Variants in ZFAND3 observed in about 807,000 individuals in gnomAD.
ZFAND3 encodes the protein AN1-type zinc finger protein 3.
A neutral mutation model predicts 29.6 loss-of-function variants in ZFAND3; 10 were observed. The ratio of observed to expected loss-of-function variants is 0.34; its 90% CI spans 0.21 to 0.57. ZFAND3 has a LOEUF of 0.57. ZFAND3 is among the 20% of genes least tolerant of loss of function. The probability of loss-of-function intolerance (pLI) is 0.86; values close to 1 mark genes in which losing one functional copy is unlikely to be tolerated. For missense variants in ZFAND3, 230 were observed against 304.5 expected, an observed-to-expected ratio of 0.76 and a Z score of 1.82; for synonymous variants, 128 against 112.6, an observed-to-expected ratio of 1.14 and a Z score of -0.87.
At chr6:37,857,974 A>G (rs531036212) in intron 1 of ZFAND3, among the ~76,000 whole-genome samples, 23 of 152,246 alleles carry the variant, frequency 1.5e-4, no homozygotes, top group Admixed American at 9.2e-4. Flanking sequence ...TTAATTGTGC[A>G]TTCACTCTGG....
intron 1 of ZFAND3, among the ~76,000 whole-genome samples, chr6:37,833,437 T>C (rs1002367651): frequency 1.3e-5 from 2 of 152,098 alleles, no homozygotes; most frequent in African/African-American, 4.8e-5. Context: ...TTACTTACAA[T>C]TTTTTTCTTC....
chr6:38,011,195 T>G (rs953599408), intron 2 of ZFAND3, among the ~76,000 whole-genome samples: 3 of 152,208 alleles, frequency 2.0e-5, no homozygotes, highest in African/African-American at 7.2e-5. Flanking sequence ...TACCACAGTT[T>G]GTTGAGCTGA....
At chr6:38,037,460 A>G (rs1444842737) in intron 2 of ZFAND3, among the ~76,000 whole-genome samples, 2 of 152,212 alleles carry the variant, frequency 1.3e-5, no homozygotes, top group Non-Finnish European at 2.9e-5. Context: ...ATCCGTCACC[A>G]TTTCAGAGGT....
rs754364044 is a variant in ZFAND3 at position 37,888,433 on chromosome 6, C to T, written c.72-41526C>T. Among the ~76,000 whole-genome samples the T allele has an allele frequency of 3.9e-4, 60 of 152,126 alleles. 1 individual carries two copies. Among genetic ancestry groups the T allele is most frequent in the Non-Finnish European group, 6.9e-4 (47 of 68,010 alleles). Reference sequence around the variant, plus strand: ...AATTATGGCATTATCAATAGGAATACATAATGGTTCAATCATTTATGCTTT... The same window carrying T: ...AATTATGGCATTATCAATAGGAATATATAATGGTTCAATCATTTATGCTTT... On this transcript the variant is annotated intron_variant, in intron 1 of 5. Coordinates refer to ENST00000287218, the MANE Select transcript of ZFAND3 (RefSeq NM_021943.3).
chr6:38,116,453 T>C, intron 4 of ZFAND3, 119 bp from the exon 5 acceptor site: 1 of 1,211,212 alleles, frequency 8.3e-7, no homozygotes, highest in South Asian at 1.5e-5. Context: ...GGCTCTCACC[T>C]GTCTGATTCC....
intron 2 of ZFAND3, among the ~76,000 whole-genome samples, chr6:38,009,280 ATAC>A (rs1763104283): frequency 6.6e-6 from 1 of 152,166 alleles, no homozygotes; most frequent in Admixed American, 6.5e-5. Context: ...AGGGGAGAAA[ATAC>A]TAGGTTTCGG....
chr6:37,972,554 A>G (rs1005360163), intron 2 of ZFAND3, among the ~76,000 whole-genome samples: 3 of 152,190 alleles, frequency 2.0e-5, no homozygotes, highest in Non-Finnish European at 2.9e-5. Context: ...ACCAGGTATG[A>G]TTTGAAACAC....
chr6:37,903,821 C>T (rs1765361702), intron 1 of ZFAND3, among the ~76,000 whole-genome samples: 6 of 152,174 alleles, frequency 3.9e-5, no homozygotes, highest in Admixed American at 3.9e-4. Context: ...TTGTAAGTTG[C>T]TAGCTGCTAT....
At chr6:37,830,918 G>A (rs1452699777) in intron 1 of ZFAND3, among the ~76,000 whole-genome samples, 1 of 151,654 alleles carries the variant, frequency 6.6e-6, no homozygotes, top group Non-Finnish European at 1.5e-5. Context: ...TATTTCCTGG[G>A]GAATGGGACC....
At chr6:37,985,529 C>CACACACA (rs33984396) in intron 2 of ZFAND3, among the ~76,000 whole-genome samples, 2,576 of 89,692 alleles carry the variant, frequency 0.029, 53 homozygotes, top group African/African-American at 0.068. Context: ...ACACACACAC[C>CACACACA]CCCACACACG....
At chr6:37,941,095 G>A (rs1261679332) in intron 2 of ZFAND3, among the ~76,000 whole-genome samples, 1 of 152,146 alleles carries the variant, frequency 6.6e-6, no homozygotes, top group African/African-American at 2.4e-5. Context: ...TGATTTTATA[G>A]CTCCATTTTA....
intron 2 of ZFAND3, among the ~76,000 whole-genome samples, chr6:37,957,496 A>G (rs756161703): frequency 1.7e-4 from 26 of 152,226 alleles, no homozygotes; most frequent in Non-Finnish European, 3.1e-4. Flanking sequence ...TTCAACATGT[A>G]TACATGTAAG....
chr6:37,871,713 C>T (rs187707212), intron 1 of ZFAND3, among the ~76,000 whole-genome samples: 2 of 152,252 alleles, frequency 1.3e-5, no homozygotes, highest in Non-Finnish European at 2.9e-5. Context: ...TGTTGGTCTG[C>T]ATAGATCACC....
rs866303218 is a variant in ZFAND3 at position 37,947,057 on chromosome 6, T to G, written c.112+17058T>G. Among the ~76,000 whole-genome samples the G allele has an allele frequency of 4.6e-5, 7 of 152,152 alleles. No homozygotes were observed. In the South Asian group the frequency reaches 6.2e-4, roughly 13 times the overall value. ...ATTAAAAACGGTTAAGATGGTAAATTTTATGTTATGTGCACCTAACCCCAG... is the reference window on the plus strand; with the variant it reads ...ATTAAAAACGGTTAAGATGGTAAATGTTATGTTATGTGCACCTAACCCCAG... On this transcript the variant is annotated intron_variant, in intron 2 of 5. Transcript: ENST00000287218.
Position 37,912,168 on chromosome 6 carries a change from C to G in ZFAND3, c.72-17791C>G, listed in dbSNP as rs562184884. On this transcript the variant is annotated intron_variant, in intron 1 of 5. Coordinates refer to ENST00000287218, the MANE Select transcript of ZFAND3 (RefSeq NM_021943.3). Reference sequence around the variant, plus strand: ...TATCAAGATCCTCTGAGAACAATTACCTGTGGCTCATCACCAGTCCCCAGC... The same window carrying G: ...TATCAAGATCCTCTGAGAACAATTAGCTGTGGCTCATCACCAGTCCCCAGC... Among the ~76,000 whole-genome samples the G allele has an allele frequency of 2.6e-5, 4 of 151,530 alleles. No individual in the cohort carries two copies. The South Asian group carries it at 8.4e-4, about 32-fold the overall frequency.
At chr6:37,830,583 A>G (rs1168629305) in intron 1 of ZFAND3, among the ~76,000 whole-genome samples, 1 of 152,230 alleles carries the variant, frequency 6.6e-6, no homozygotes, top group Admixed American at 6.5e-5. Flanking sequence ...TTAGAAACCC[A>G]CGGGCTCTTC....
At chr6:38,066,865 A>G (rs1764356146) in intron 3 of ZFAND3, among the ~76,000 whole-genome samples, 2 of 152,232 alleles carry the variant, frequency 1.3e-5, no homozygotes, top group Admixed American at 1.3e-4. Flanking sequence ...TAAATGAAGC[A>G]GGTATCTAAA....
At chr6:38,144,231 A>ATATATATATAATATATATATAT (rs1365246829) in intron 5 of ZFAND3, among the ~76,000 whole-genome samples, 1 of 75,256 alleles carries the variant, frequency 1.3e-5, no homozygotes. Flanking sequence ...ATATATATAT[A>ATATATATATAATATATATATAT]TTTTTTTTTT....
chr6:37,867,045 G>A (rs1259596897), intron 1 of ZFAND3, among the ~76,000 whole-genome samples: 2 of 152,212 alleles, frequency 1.3e-5, no homozygotes, highest in African/African-American at 4.8e-5. Flanking sequence ...ACCTTTAGGG[G>A]ACCCAAAAGG....
Sources: allele counts gnomAD v4.1 joint callset (sites outside exome capture counted in the v4.1 genomes callset), GRCh38; gene constraint gnomAD v4.1.1; transcripts MANE v1.5; gene names NCBI Gene and HGNC (gene_info 2026-07-23, HGNC 2026-07-21).